Variants in MARCO observed in about 807,000 individuals in gnomAD.
MARCO encodes the protein macrophage receptor with collagenous structure, also known as macrophage receptor MARCO.
A neutral mutation model predicts 70.0 loss-of-function variants in MARCO; 72 were observed. The observed-to-expected ratio is 1.03, with a 90% CI of 0.85 to 1.25. The LOEUF is 1.25. Ranked by LOEUF, MARCO falls within the 50% of genes most tolerant of loss-of-function variation. The pLI, the probability that MARCO is intolerant of heterozygous loss-of-function variation, is 0.00. For missense variants in MARCO, 696 were observed against 659.3 expected (o/e 1.06, Z -0.61); for synonymous variants, 273 against 243.1 (o/e 1.12, Z -1.14).
chr2:118,943,264 C>T (rs1389813055), intron 1 of MARCO, among the ~76,000 whole-genome samples: 1 of 152,224 alleles, frequency 6.6e-6, no homozygotes, highest in African/African-American at 2.4e-5. Flanking sequence ...GCGTCTGGGG[C>T]TCTGCCTCTA....
intron 1 of MARCO, among the ~76,000 whole-genome samples, chr2:118,962,626 TC>T (rs1423325516): frequency 2.0e-5 from 3 of 152,126 alleles, no homozygotes; most frequent in African/African-American, 7.2e-5. Context: ...CATTCTGATC[TC>T]ATAAAATGAA....
intron 1 of MARCO, among the ~76,000 whole-genome samples, chr2:118,962,393 T>C (rs574935843): frequency 6.6e-6 from 1 of 152,308 alleles, no homozygotes; most frequent in Non-Finnish European, 1.5e-5. Flanking sequence ...TCTGATTTCC[T>C]TGAGCAGCAG....
intron 1 of MARCO, among the ~76,000 whole-genome samples, chr2:118,956,073 T>A (rs1679831204): frequency 1.3e-5 from 2 of 151,624 alleles, no homozygotes; most frequent in Admixed American, 1.3e-4. Context: ...AAAAGCAAAA[T>A]CAAAAAACCA....
chr2:118,975,742 A>T (rs1036353025), intron 6 of MARCO, among the ~76,000 whole-genome samples: 5 of 152,114 alleles, frequency 3.3e-5, no homozygotes, highest in African/African-American at 1.2e-4. Flanking sequence ...ATGCACTCAC[A>T]TACACACATA....
chr2:118,989,068 C>T (rs1006493856), intron 12 of MARCO, among the ~76,000 whole-genome samples: 4 of 152,324 alleles, frequency 2.6e-5, no homozygotes, highest in East Asian at 3.9e-4. Context: ...GACTCAAGTC[C>T]GGGCTGTCAG....
At chr2:118,942,433 A>T (rs1157405085) in intron 1 of MARCO, 36 bp downstream of exon 1, 1 of 1,483,462 alleles carries the variant, frequency 6.7e-7, no homozygotes, top group Non-Finnish European at 9.4e-7. Context: ...AAATGACCAG[A>T]AATGTAGTCT....
At chr2:118,964,745 G>A (rs907872403) in intron 1 of MARCO, among the ~76,000 whole-genome samples, 21 of 151,940 alleles carry the variant, frequency 1.4e-4, no homozygotes, top group African/African-American at 3.4e-4. Flanking sequence ...AAAATTAGCC[G>A]GGCATGGTGG....
intron 1 of MARCO, among the ~76,000 whole-genome samples, chr2:118,951,637 C>T (rs577980611): frequency 1.1e-4 from 17 of 152,320 alleles, no homozygotes; most frequent in Admixed American, 7.8e-4. Context: ...TCAGTGCTTT[C>T]GGGCTACGCC....
rs116330536 is a variant in MARCO, at chr2:118,988,166, A to C, written c.1064-2423A>C. ...CCTGGCACAGTGCCTGGCGTGATGC[A>C]GGCAGCAGAAAATGCTGAGTCCCCT... On this transcript the variant is annotated intron_variant, in intron 12 of 16. Coordinates refer to ENST00000327097, the MANE Select transcript of MARCO (RefSeq NM_006770.4). Among the ~76,000 whole-genome samples, 5 of 152,286 alleles carry C rather than the reference A, an allele frequency of 3.3e-5. No individual in the cohort carries two copies. In the South Asian group the frequency reaches 1.0e-3, roughly 32 times the overall value.
Position 118,970,239 on chromosome 2 carries a change from G to T in MARCO, c.325G>T (p.Gly109Cys), listed in dbSNP as rs76112551. 1 of 1,613,912 alleles carries T rather than the reference G, an allele frequency of 6.2e-7. No individual in the cohort carries two copies. The highest frequency in any genetic ancestry group is 2.2e-5 in the East Asian group (1 of 44,878). The stretch of plus-strand genomic sequence containing the variant: ...ACACCCTGGAGAACACCTGGCTCAG[G>T]GTGCATCGAGGCTGCAAGTCCTGCA... ...SAHPGEHLAQ[G>C]ASRLQVLQAQ... The change falls in exon 3 of 17, where the codon GGT (glycine) becomes TGT (cysteine). Residue 109 changes from glycine to cysteine, a missense_variant. This residue lies in a region of MARCO where 605 missense variants were observed against 537.6 expected (regional missense o/e 1.13). Coordinates refer to ENST00000327097, the MANE Select transcript of MARCO (RefSeq NM_006770.4).
At chr2:118,961,566 G>T (rs1162145293) in intron 1 of MARCO, among the ~76,000 whole-genome samples, 1 of 150,648 alleles carries the variant, frequency 6.6e-6, no homozygotes, top group Admixed American at 6.6e-5. Flanking sequence ...TAATGAGGTT[G>T]TTTTTTTTTC....
chr2:118,993,373 G>C, intron 16 of MARCO, 73 bp downstream of exon 16: 1 of 1,455,194 alleles, frequency 6.9e-7, no homozygotes, highest in South Asian at 1.2e-5. Context: ...GTGGGGTGTT[G>C]GCAAGTGACT....
At chr2:118,985,992 C>T (rs1680476402) in intron 12 of MARCO, among the ~76,000 whole-genome samples, 2 of 152,162 alleles carry the variant, frequency 1.3e-5, no homozygotes, top group Admixed American at 6.5e-5. Context: ...CCAAAAAGAT[C>T]ATCCATAATA....
chr2:118,978,582 C>A (rs989635532), intron 8 of MARCO, among the ~76,000 whole-genome samples: 3 of 152,178 alleles, frequency 2.0e-5, no homozygotes, highest in Non-Finnish European at 4.4e-5. Flanking sequence ...GTGAGGATTG[C>A]GGGGCCAGGC....
intron 8 of MARCO, among the ~76,000 whole-genome samples, chr2:118,979,433 G>T (rs922999441): frequency 2.0e-5 from 3 of 152,164 alleles, no homozygotes; most frequent in African/African-American, 4.8e-5. Context: ...CTGGCACCAG[G>T]AACATGGTTG....
chr2:118,980,348 C>T lies in MARCO; in HGVS notation c.767-1061C>T, dbSNP rs188871072. Among the ~76,000 whole-genome samples, 708 of 152,256 alleles carry T rather than the reference C, an allele frequency of 4.7e-3. 10 individuals are homozygous for T. The highest frequency in any genetic ancestry group is 3.0e-3 in the Non-Finnish European group (202 of 68,016). On this transcript the variant is annotated intron_variant, in intron 8 of 16. Transcript: ENST00000327097. The stretch of plus-strand genomic sequence containing the variant: ...TTTGTCTTCCTCAAGGAGCAGCCAC[C>T]CTTCAAGTATTCAGCCATCTCAAGG...
In MARCO at chr2:118,986,586, GAAGA is replaced by G. The variant is rs755693328; in HGVS notation, c.1064-3937_1064-3934del. On this transcript the variant is annotated intron_variant, in intron 12 of 16. Coordinates refer to ENST00000327097, the MANE Select transcript of MARCO (RefSeq NM_006770.4). ...GGAGGGAGGGAGGGAGGGAAGGAAA[GAAGA>G]AAGAAAGAAAGAAAGAAAGAAAGAA... Among the ~76,000 whole-genome samples the G allele has an allele frequency of 9.3e-3, 433 of 46,688 alleles. 7 individuals are homozygous for G. The highest frequency in any genetic ancestry group is 0.011 in the Non-Finnish European group (310 of 27,156). 30.6% of individuals were successfully genotyped at this position (46,688 alleles called of 152,430 possible).
chr2:118,945,384 T>C (rs559817591), intron 1 of MARCO, among the ~76,000 whole-genome samples: 1 of 151,166 alleles, frequency 6.6e-6, no homozygotes, highest in South Asian at 2.1e-4. Flanking sequence ...TGCAATGTGA[T>C]CTGTCGGAAC....
rs1680235415 is a variant in MARCO, at chr2:118,974,415, G to C, written c.543G>C (p.Gly181=). ...PGPPAEKGAK[G]AMGRDGATGP... ...CACCTGCTGAGAAGGGAGCCAAGGG[G>C]GCTATGGGACGAGATGGAGCAACAG... The change falls in exon 5 of 17, where the codon GGG becomes GGC. Residue 181 remains glycine, a synonymous_variant. Transcript: ENST00000327097. 1 of 1,612,920 alleles carries C rather than the reference G, an allele frequency of 6.2e-7. No individual in the cohort carries two copies.
Sources: allele counts gnomAD v4.1 joint callset (sites outside exome capture counted in the v4.1 genomes callset), GRCh38; gene constraint gnomAD v4.1.1; regional missense constraint gnomAD v4.1.1; transcripts MANE v1.5; gene names NCBI Gene and HGNC (gene_info 2026-07-23, HGNC 2026-07-21).